LINGO2: variants seen among roughly 807,000 people sequenced by gnomAD.
The protein encoded by LINGO2 is leucine rich repeat and Ig domain containing 2, also known as leucine-rich repeat and immunoglobulin-like domain-containing nogo receptor-interacting protein 2.
In LINGO2, 14 loss-of-function variants were observed where a neutral mutation model predicts 30.6. The ratio of observed to expected loss-of-function variants is 0.46; its 90% CI spans 0.30 to 0.72. The LOEUF (loss-of-function observed/expected upper bound fraction) is 0.72. LINGO2 is among the 30% of genes least tolerant of loss of function. LINGO2 has a pLI of 0.07. For synonymous variants in LINGO2, 317 were observed against 288.5 expected, an observed-to-expected ratio of 1.10 and a Z score of -1.00; for missense variants, 729 against 751.7, an observed-to-expected ratio of 0.97 and a Z score of 0.35.
At chr9:28,927,780 T>C in the LINGO2 span, among the ~76,000 whole-genome samples, 2 of 152,224 alleles carry the variant, frequency 1.3e-5, no homozygotes, top group Non-Finnish European at 2.9e-5. Context: ...ATTCATTTCT[T>C]TTTCACAACT....
At chr9:28,826,000 A>G in the LINGO2 span, among the ~76,000 whole-genome samples, 4 of 152,204 alleles carry the variant, frequency 2.6e-5, no homozygotes, top group South Asian at 2.1e-4. Context: ...GTTATTTTGC[A>G]TAATGCCAAG....
intron 2 of LINGO2, among the ~76,000 whole-genome samples, chr9:28,435,866 T>C (rs990875666): frequency 1.3e-5 from 2 of 151,986 alleles, no homozygotes; most frequent in Non-Finnish European, 1.5e-5. Context: ...ACTTGGAAAA[T>C]TGTTGGATAA....
chr9:28,386,486 G>A (rs1284284322), intron 2 of LINGO2, among the ~76,000 whole-genome samples: 2 of 152,204 alleles, frequency 1.3e-5, no homozygotes, highest in South Asian at 4.1e-4. Context: ...ATAATTCAAT[G>A]AATGAGTCTA....
intron 5 of LINGO2, among the ~76,000 whole-genome samples, chr9:27,989,283 A>G (rs1269829673): frequency 6.6e-6 from 1 of 151,862 alleles, no homozygotes; most frequent in Non-Finnish European, 1.5e-5. Context: ...ACTACCTGGA[A>G]TTTTACTGTA....
chr9:28,422,907 A>C (rs1022333939), intron 2 of LINGO2, among the ~76,000 whole-genome samples: 4 of 152,096 alleles, frequency 2.6e-5, no homozygotes, highest in African/African-American at 9.7e-5. Flanking sequence ...ATCATGCTGA[A>C]TAAAATAAGC....
chr9:28,312,300 T>A (rs1324147427), intron 3 of LINGO2, among the ~76,000 whole-genome samples: 1 of 151,956 alleles, frequency 6.6e-6, no homozygotes, highest in African/African-American at 2.4e-5. Context: ...AAGCTCAAAT[T>A]TTTTTAAATT....
At chr9:28,580,150 C>T (rs1224450401) in intron 1 of LINGO2, among the ~76,000 whole-genome samples, 1 of 151,958 alleles carries the variant, frequency 6.6e-6, no homozygotes, top group Non-Finnish European at 1.5e-5. Context: ...CTGGTATGTC[C>T]CTAGTAATTG....
chr9:28,218,374 G>A (rs1256653915), intron 4 of LINGO2, among the ~76,000 whole-genome samples: 1 of 151,608 alleles, frequency 6.6e-6, no homozygotes, highest in Non-Finnish European at 1.5e-5. Flanking sequence ...AGTGGATCAT[G>A]CCCTCCAGTG....
the LINGO2 span, among the ~76,000 whole-genome samples, chr9:28,687,921 A>C: frequency 6.6e-6 from 1 of 152,284 alleles, no homozygotes; most frequent in East Asian, 1.9e-4. Flanking sequence ...AAAAGCTTCC[A>C]GGTTATGAGC....
At chr9:28,676,618 G>T in the LINGO2 span, among the ~76,000 whole-genome samples, 2 of 152,032 alleles carry the variant, frequency 1.3e-5, no homozygotes, top group African/African-American at 4.8e-5. Flanking sequence ...TTTAAAACAT[G>T]TGTTGTTGGT....
At chr9:28,802,723 A>G in the LINGO2 span, among the ~76,000 whole-genome samples, 2 of 152,006 alleles carry the variant, frequency 1.3e-5, no homozygotes, top group Non-Finnish European at 2.9e-5. Context: ...TTTAAAGTCC[A>G]TTCATAGAGT....
intron 1 of LINGO2, among the ~76,000 whole-genome samples, chr9:28,489,890 T>A (rs1826322593): frequency 7.7e-6 from 1 of 129,474 alleles, no homozygotes; most frequent in African/African-American, 3.1e-5. Flanking sequence ...GAGCAAGACT[T>A]TGTCTCAAAA....
the LINGO2 span, among the ~76,000 whole-genome samples, chr9:28,954,364 C>T: frequency 2.0e-5 from 3 of 152,122 alleles, no homozygotes; most frequent in African/African-American, 7.2e-5. Flanking sequence ...TTTATGCATA[C>T]TTCACATTTC....
At chr9:28,640,464 T>G (rs367761302) in intron 1 of LINGO2, among the ~76,000 whole-genome samples, 1 of 152,010 alleles carries the variant, frequency 6.6e-6, no homozygotes, top group African/African-American at 2.4e-5. Flanking sequence ...ACACCAATCA[T>G]ATGTAGATTT....
intron 4 of LINGO2, among the ~76,000 whole-genome samples, chr9:28,285,226 T>C (rs548600704): frequency 6.6e-6 from 1 of 151,674 alleles, no homozygotes; most frequent in Non-Finnish European, 1.5e-5. Context: ...TTATCATCGT[T>C]ATCATCATCA....
At chr9:28,470,046 A>G (rs1298175534) in intron 2 of LINGO2, among the ~76,000 whole-genome samples, 1 of 152,182 alleles carries the variant, frequency 6.6e-6, no homozygotes, top group African/African-American at 2.4e-5. Flanking sequence ...GTATATGTAT[A>G]TATAGACGTA....
intron 1 of LINGO2, among the ~76,000 whole-genome samples, chr9:28,609,638 A>G (rs1051572733): frequency 6.6e-6 from 1 of 152,102 alleles, no homozygotes; most frequent in Non-Finnish European, 1.5e-5. Context: ...ATTTTGAGAT[A>G]AGATAATGAA....
At chr9:28,819,760 CA>C in the LINGO2 span, among the ~76,000 whole-genome samples, 1 of 152,196 alleles carries the variant, frequency 6.6e-6, no homozygotes. Context: ...TGGTGCTGAC[CA>C]TTAAGTCAGT....
intron 3 of LINGO2, among the ~76,000 whole-genome samples, chr9:28,325,766 C>A (rs1479041264): frequency 6.6e-6 from 1 of 152,084 alleles, no homozygotes; most frequent in Admixed American, 6.6e-5. Context: ...CTCGGGTATG[C>A]CTTTATAGGC....
Sources: allele counts gnomAD v4.1 joint callset (sites outside exome capture counted in the v4.1 genomes callset), GRCh38; gene constraint gnomAD v4.1.1; transcripts MANE v1.5; gene names NCBI Gene and HGNC (gene_info 2026-07-23, HGNC 2026-07-21).